MMP25: variants seen among roughly 807,000 people sequenced by gnomAD.
MMP25 encodes matrix metallopeptidase 25.
In MMP25, 68 loss-of-function variants were observed where a neutral mutation model predicts 62.1. The ratio of observed to expected loss-of-function variants is 1.10; its 90% CI spans 0.90 to 1.34. The LOEUF (loss-of-function observed/expected upper bound fraction) is 1.34. Ranked by LOEUF, MMP25 falls within the 40% of genes most tolerant of loss-of-function variation. The probability of loss-of-function intolerance (pLI) is 0.00; values close to 1 mark genes in which losing one functional copy is unlikely to be tolerated. For synonymous variants in MMP25, 407 were observed against 345.6 expected (o/e 1.18, Z -1.97); for missense variants, 942 against 792.5 (o/e 1.19, Z -2.26).
At chr16:3,055,791 TG>T (rs1205940337) in intron 4 of MMP25, 2 of 454,240 alleles carry the variant, frequency 4.4e-6, no homozygotes, top group East Asian at 1.4e-4. Context: ...GGCCTCCCTG[TG>T]GTGCTGCGGG....
chr16:3,058,361 T>C, intron 8 of MMP25, 28 bp downstream of exon 8: 1 of 1,500,880 alleles, frequency 6.7e-7, no homozygotes, highest in Non-Finnish European at 8.9e-7. Flanking sequence ...CGGGGCGCGC[T>C]GGGGCCGGCG....
At chr16:3,047,620 T>G in intron 2 of MMP25, 73 bp downstream of exon 2, 1 of 1,513,956 alleles carries the variant, frequency 6.6e-7, no homozygotes, top group East Asian at 2.3e-5. Flanking sequence ...CCTTTAGACC[T>G]CAGTGTGCTC....
At position 3,058,487 on chromosome 16, in the gene MMP25, CG is replaced by C; in HGVS notation, c.1238del (p.Gly413GlufsTer42). On this transcript the variant is annotated frameshift_variant, in exon 9 of 10. Transcript: ENST00000336577. LOFTEE classifies it high-confidence loss of function. ...ARPLTELGLPPGEEVDAVFSW... is the reference protein window; with the variant it reads ...ARPLTELGLPXGEEVDAVFSW... ...CCGCTCACGGAGCTGGGGCTGCCCC[CG>C]GGAGAGGAGGTGGACGCCGTGTTCT... 6.2e-7 allele frequency: 1 copy of C among 1,608,034 alleles called. No homozygotes were observed. Among genetic ancestry groups the C allele is most frequent in the African/African-American group, 1.3e-5 (1 of 74,902 alleles).
In MMP25 at chr16:3,050,033, G is replaced by A. The variant is rs188452358; in HGVS notation, c.257G>A (p.Arg86His). The change falls in exon 3 of 10, where the codon CGT becomes CAT. Residue 86 changes from arginine to histidine, a missense_variant. Arg to His is a conservative substitution (Grantham distance 29). Transcript: ENST00000336577. ...GACCCAGGGACAGTGGCCACCATGCGTAAGCCCCGCTGCTCCCTGCCTGAC... is the reference window on the plus strand; with the variant it reads ...GACCCAGGGACAGTGGCCACCATGCATAAGCCCCGCTGCTCCCTGCCTGAC... The part of the protein sequence containing the change: ...RMDPGTVATM[R>H]KPRCSLPDVL... The A allele has an allele frequency of 1.2e-4, 195 of 1,610,254 alleles. No individual in the cohort carries two copies. The highest frequency in any genetic ancestry group is 1.5e-4 in the Non-Finnish European group (179 of 1,179,940).
chr16:3,051,663 G>A (rs1283440629), intron 4 of MMP25: 1 of 152,080 alleles, frequency 6.6e-6, no homozygotes, highest in African/African-American at 2.4e-5. Context: ...TCTTTACCTG[G>A]CAGCTGAGTC....
In MMP25 at chr16:3,059,371, C is replaced by G. The variant is rs538853451; in HGVS notation, c.*273C>G. ...GCGCACGCGCGCTGGGACCATGCGTCGGTCGTCGCCCCCGTCGTTCCCTCC... is the reference window on the plus strand; with the variant it reads ...GCGCACGCGCGCTGGGACCATGCGTGGGTCGTCGCCCCCGTCGTTCCCTCC... On this transcript the variant is annotated 3_prime_UTR_variant, in exon 10 of 10. Transcript: ENST00000336577. The G allele has an allele frequency of 3.2e-6, 1 of 312,314 alleles. No homozygotes were observed. Among genetic ancestry groups the G allele is most frequent in the East Asian group, 4.3e-5 (1 of 23,100 alleles). 19.3% of individuals were successfully genotyped at this position (312,314 alleles called of 1,614,324 possible). A position where few individuals can be genotyped will look rare whatever the true frequency, so the allele number is the denominator to read the frequency against.
chr16:3,055,437 G>C (rs932620884), intron 4 of MMP25, among the ~76,000 whole-genome samples: 1 of 151,998 alleles, frequency 6.6e-6, no homozygotes, highest in African/African-American at 2.4e-5. Context: ...AGTCGACAGG[G>C]AAATTCGTCA....
At position 3,046,963 on chromosome 16, in the gene MMP25, G is replaced by A. The variant is rs1392711629; in HGVS notation, c.46G>A (p.Ala16Thr). 1.4e-6 allele frequency: 2 copies of A among 1,473,680 alleles called. No individual in the cohort carries two copies. Among genetic ancestry groups the A allele is most frequent in the African/African-American group, 2.9e-5 (2 of 68,112 alleles). 91.3% of individuals were successfully genotyped at this position (1,473,680 alleles called of 1,614,324 possible). The change falls in exon 1 of 10, where the codon GCA (alanine) becomes ACA (threonine). Residue 16 changes from alanine to threonine, a missense_variant. Physicochemically the swap from Ala to Thr is moderately conservative, Grantham distance 58. Coordinates refer to ENST00000336577, the MANE Select transcript of MMP25 (RefSeq NM_022468.5). ...TCTGGCGCTGCTGCTTCTGCTGCTG[G>A]CACCGCCCGCGCGCGCCCCGAAGCC... Reference protein sequence around the residue: ...RLLALLLLLLAPPARAPKPSA... With the variant: ...RLLALLLLLLTPPARAPKPSA...
At position 3,047,408 on chromosome 16, in the gene MMP25, GC is replaced by G. The variant is rs764908355; in HGVS notation, c.100-4del. ...GCCCGCTTCACCTGCCCCCTCCGAT[GC>G]CCTAGGACTGGCTGACTCGCTATGG... On this transcript the variant is annotated splice_polypyrimidine_tract_variant and splice_region_variant and intron_variant, in intron 1 of 9. Coordinates refer to ENST00000336577, the MANE Select transcript of MMP25 (RefSeq NM_022468.5). 1 of 1,609,934 alleles carries G rather than the reference GC, an allele frequency of 6.2e-7. No individual in the cohort carries two copies. Among genetic ancestry groups the G allele is most frequent in the South Asian group, 1.1e-5 (1 of 90,820 alleles).
In MMP25 at chr16:3,050,513, G is replaced by C; in HGVS notation, c.628G>C (p.Asp210His). 2 of 1,577,276 alleles carry C rather than the reference G, an allele frequency of 1.3e-6. No individual in the cohort carries two copies. The highest frequency in any genetic ancestry group is 1.7e-6 in the Non-Finnish European group (2 of 1,159,420). The part of the protein sequence containing the change: ...EHPISGDTHF[D>H]DEETWTFGSK... ...CCCCATCTCCGGGGACACTCACTTT[G>C]ACGATGAGGAGACCTGGACTTTTGG... is the stretch of plus-strand genomic sequence containing the variant. The change falls in exon 4 of 10, where the codon GAC becomes CAC. Residue 210 changes from aspartate (D) to histidine (H), a missense_variant. Coordinates refer to ENST00000336577, the MANE Select transcript of MMP25 (RefSeq NM_022468.5).
At position 3,050,061 on chromosome 16, in the gene MMP25, G is replaced by A. The variant is rs1383142332; in HGVS notation, c.285G>A (p.Val95=). The change falls in exon 3 of 10, where the codon GTG becomes GTA. Residue 95 remains valine, a synonymous_variant. Transcript: ENST00000336577. ...AGCCCCGCTGCTCCCTGCCTGACGT[G>A]CTGGGGGTGGCGGGGCTGGTCAGGC... ...MRKPRCSLPD[V]LGVAGLVRRR... is the part of the protein sequence containing the mutation. 2 of 1,611,104 alleles carry A rather than the reference G, an allele frequency of 1.2e-6. No homozygotes were observed. The highest frequency in any genetic ancestry group is 1.7e-6 in the Non-Finnish European group (2 of 1,179,932).
rs111434301 is a variant in MMP25 at position 3,050,164 on chromosome 16, C to T, written c.368+20C>T. The T allele has an allele frequency of 3.8e-5, 61 of 1,592,406 alleles. No homozygotes were observed. The highest frequency in any genetic ancestry group is 2.0e-4 in the African/African-American group (15 of 74,694). Reference sequence around the variant, plus strand: ...ATGGAGGTAGGTCCTGGGGCCCACCCGCACCCTGGCCCTGCCTGCTGGGCT... The same window carrying T: ...ATGGAGGTAGGTCCTGGGGCCCACCTGCACCCTGGCCCTGCCTGCTGGGCT... On this transcript the variant is annotated intron_variant, in intron 3 of 9. Coordinates refer to ENST00000336577, the MANE Select transcript of MMP25 (RefSeq NM_022468.5).
rs1000310751 is a variant in MMP25 at position 3,059,135 on chromosome 16, G to T, written c.*37G>T. The stretch of plus-strand genomic sequence containing the variant: ...ATCCAGACCGAACAGCGCCCTCCAC[G>T]GCCGAGTCCCCCGCCGCTGGACCTG... On this transcript the variant is annotated 3_prime_UTR_variant, in exon 10 of 10. Transcript: ENST00000336577. 70 of 1,482,998 alleles carry T rather than the reference G, an allele frequency of 4.7e-5. No homozygotes were observed. The Admixed American group carries it at 1.2e-3, about 25-fold the overall frequency. 91.9% of individuals were successfully genotyped at this position (1,482,998 alleles called of 1,614,324 possible).
At position 3,057,058 on chromosome 16, in the gene MMP25, C is replaced by G. The variant is rs141837567; in HGVS notation, c.687C>G (p.Ala229=). ...SKDGEGTDLF[A]VAVHEFGHAL... ...ACGGCGAGGGGACCGACCTGTTTGC[C>G]GTGGCTGTCCATGAGTTTGGCCACG... Residue 229 remains alanine (A), a synonymous_variant, in exon 5 of 10, where the codon GCC becomes GCG. Coordinates refer to ENST00000336577, the MANE Select transcript of MMP25 (RefSeq NM_022468.5). 1 of 1,594,590 alleles carries G rather than the reference C, an allele frequency of 6.3e-7. No individual in the cohort carries two copies. Among genetic ancestry groups the G allele is most frequent in the South Asian group, 1.1e-5 (1 of 89,276 alleles).
chr16:3,058,902 C>A lies in MMP25; in HGVS notation c.1493C>A (p.Pro498His). 2 of 1,555,276 alleles carry A rather than the reference C, an allele frequency of 1.3e-6. No homozygotes were observed. Among genetic ancestry groups the A allele is most frequent in the Non-Finnish European group, 1.7e-6 (2 of 1,149,234 alleles). ...AGCATCAAGACCGAGCCGGACGCCC[C>A]CCAGCCCATGGGGCCCAACTGGCTG... is the stretch of plus-strand genomic sequence containing the variant. The part of the protein sequence containing the change: ...KNSIKTEPDA[P>H]QPMGPNWLDC... Residue 498 changes from proline (P) to histidine (H), a missense_variant, in exon 10 of 10, where the codon CCC (proline) becomes CAC (histidine). By Grantham distance (77) the Pro-to-His change is moderately conservative. Coordinates refer to ENST00000336577, the MANE Select transcript of MMP25 (RefSeq NM_022468.5).
At chr16:3,057,949 G>A (rs760081116) in intron 7 of MMP25, 14 of 581,418 alleles carry the variant, frequency 2.4e-5, no homozygotes, top group Non-Finnish European at 3.6e-5. Flanking sequence ...GTGATTCTCC[G>A]GTGTCAGCCT....
chr16:3,050,287 C>T lies in MMP25; in HGVS notation c.402C>T (p.Ser134=). Residue 134 remains serine, a synonymous_variant, in exon 4 of 10, where the codon AGC becomes AGT. Transcript: ENST00000336577. ...VRSFPQSSQL[S]QETVRVLMSY... ...CCTTCCCCCAGAGCTCCCAGCTGAG[C>T]CAGGAGACCGTGCGGGTCCTCATGA... The T allele has an allele frequency of 6.2e-7, 1 of 1,607,354 alleles. No homozygotes were observed. Among genetic ancestry groups the T allele is most frequent in the Non-Finnish European group, 8.5e-7 (1 of 1,175,324 alleles).
intron 1 of MMP25, 148 bp from the exon 2 acceptor site, chr16:3,047,267 G>A: frequency 8.1e-7 from 1 of 1,229,624 alleles, no homozygotes; most frequent in Non-Finnish European, 1.1e-6. Context: ...CTGAAGCGGG[G>A]ACCTATGGAG....
Position 3,059,726 on chromosome 16 carries a change from C to G in MMP25, c.*628C>G, listed in dbSNP as rs563645316. ...AGGCCCCCCTACAGTCACTGCCACA[C>G]TGGTGGGGACCTGGGACCCAGACCC... On this transcript the variant is annotated 3_prime_UTR_variant, in exon 10 of 10. Transcript: ENST00000336577. 2.0e-5 allele frequency: 3 copies of G among 152,676 alleles called. No homozygotes were observed. The East Asian group carries it at 5.8e-4, about 29-fold the overall frequency. 9.5% of individuals were successfully genotyped at this position (152,676 alleles called of 1,614,324 possible).
Sources: allele counts gnomAD v4.1 joint callset (sites outside exome capture counted in the v4.1 genomes callset), GRCh38; gene constraint gnomAD v4.1.1; transcripts MANE v1.5; gene names NCBI Gene and HGNC (gene_info 2026-07-23, HGNC 2026-07-21).